The following SORCS3 variants were observed in gnomAD, a reference collection of about 807,000 sequenced individuals.
SORCS3 encodes the protein VPS10 domain-containing receptor SorCS3.
A neutral mutation model predicts 146.3 loss-of-function variants in SORCS3; 57 were observed. That is an observed-to-expected ratio of 0.39 (90% confidence interval 0.31 to 0.49). The LOEUF (loss-of-function observed/expected upper bound fraction) is 0.49. Ranked by LOEUF, SORCS3 falls within the 20% of genes least tolerant of loss-of-function variation. The pLI is 0.92. For missense variants in SORCS3, 1,341 were observed against 1,575.5 expected, an observed-to-expected ratio of 0.85 and a Z score of 2.52; for synonymous variants, 653 against 618.5, an observed-to-expected ratio of 1.06 and a Z score of -0.83.
At chr10:105,256,704 G>C (rs533106835) in intron 24 of SORCS3, 115 bp from the exon 25 acceptor site, 15 of 733,160 alleles carry the variant, frequency 2.0e-5, no homozygotes, top group Admixed American at 4.8e-5. Context: ...GGGAATTGGA[G>C]ACTAGACATA....
intron 1 of SORCS3, among the ~76,000 whole-genome samples, chr10:104,648,544 C>T (rs2015522661): frequency 6.6e-6 from 1 of 152,110 alleles, no homozygotes; most frequent in Admixed American, 6.5e-5. Context: ...CTATAGTCAA[C>T]CTGCCCACCC....
At chr10:105,163,445 T>G (rs1229450095) in intron 11 of SORCS3, among the ~76,000 whole-genome samples, 1 of 152,208 alleles carries the variant, frequency 6.6e-6, no homozygotes, top group East Asian at 1.9e-4. Flanking sequence ...TGGAACATGA[T>G]CCAATCATTT....
intron 3 of SORCS3, among the ~76,000 whole-genome samples, chr10:104,972,430 G>A (rs1016224362): frequency 6.6e-6 from 1 of 152,146 alleles, no homozygotes; most frequent in African/African-American, 2.4e-5. Flanking sequence ...GACCTTTGGG[G>A]CTATATGTTT....
chr10:104,660,468 G>A (rs2015686975), intron 1 of SORCS3, among the ~76,000 whole-genome samples: 1 of 152,152 alleles, frequency 6.6e-6, no homozygotes, highest in Non-Finnish European at 1.5e-5. Context: ...CTCAGGTATG[G>A]GGGCTGGGTC....
At chr10:105,216,123 G>A (rs1210782103) in intron 18 of SORCS3, among the ~76,000 whole-genome samples, 2 of 152,126 alleles carry the variant, frequency 1.3e-5, no homozygotes, top group African/African-American at 4.8e-5. Flanking sequence ...CTTTCCAAGA[G>A]ACAGAGATAT....
intron 1 of SORCS3, among the ~76,000 whole-genome samples, chr10:104,805,794 C>G (rs2017673635): frequency 6.6e-6 from 1 of 152,116 alleles, no homozygotes. Context: ...GTTTGTGGTT[C>G]CAGGTTTCCT....
intron 2 of SORCS3, among the ~76,000 whole-genome samples, chr10:104,912,313 A>C (rs1167483079): frequency 6.6e-6 from 1 of 152,228 alleles, no homozygotes; most frequent in Non-Finnish European, 1.5e-5. Context: ...AGAATTAAGA[A>C]GTAATTAACT....
rs372021081 is a variant in SORCS3 at position 104,641,651 on chromosome 10, A to G, written c.324A>G (p.Thr108=). 31 of 1,527,746 alleles carry G rather than the reference A, an allele frequency of 2.0e-5. No homozygotes were observed. The East Asian group carries it at 2.2e-4, about 11-fold the overall frequency. 94.6% of individuals were successfully genotyped at this position (1,527,746 alleles called of 1,614,324 possible). Residue 108 remains threonine (T), a synonymous_variant, in exon 1 of 27, where the codon ACA becomes ACG. Transcript: ENST00000369701. The surrounding 1 kb of genome is among the most constrained non-coding windows in gnomAD (Gnocchi z 6.4). The part of the protein sequence containing the change: ...GGEMQVEAGG[T]SPAGERRGRG... The stretch of plus-strand genomic sequence containing the variant: ...AGATGCAGGTGGAAGCCGGAGGGAC[A>G]TCACCGGCAGGCGAGCGGCGGGGCC...
At chr10:105,254,900 G>T (rs1290026482) in intron 23 of SORCS3, among the ~76,000 whole-genome samples, 1 of 152,104 alleles carries the variant, frequency 6.6e-6, no homozygotes, top group Admixed American at 6.5e-5. Flanking sequence ...CATAGAAGTG[G>T]ATCTGCGGCC....
chr10:104,816,524 C>A (rs936342640), intron 1 of SORCS3, among the ~76,000 whole-genome samples: 3 of 152,216 alleles, frequency 2.0e-5, no homozygotes, highest in African/African-American at 7.2e-5. Context: ...CTTTGTCCTG[C>A]AGCATATTTT....
intron 1 of SORCS3, among the ~76,000 whole-genome samples, chr10:104,741,302 T>A (rs2016839663): frequency 6.6e-6 from 1 of 151,966 alleles, no homozygotes; most frequent in Non-Finnish European, 1.5e-5. Flanking sequence ...CAGAAGGCAA[T>A]GCTGACATTT....
intron 1 of SORCS3, among the ~76,000 whole-genome samples, chr10:104,775,980 C>T (rs1403352621): frequency 1.3e-5 from 2 of 152,168 alleles, no homozygotes; most frequent in Non-Finnish European, 2.9e-5. Flanking sequence ...AGAAATTGAA[C>T]ACTTGTTGGT....
chr10:104,877,995 G>C (rs1223175731), intron 2 of SORCS3, among the ~76,000 whole-genome samples: 1 of 152,254 alleles, frequency 6.6e-6, no homozygotes, highest in South Asian at 2.1e-4. Flanking sequence ...AGATGTGCCT[G>C]TACTGAATAT....
rs937076382 is a variant in SORCS3 at position 105,025,528 on chromosome 10, T to C, written c.955-17527T>C. Among the ~76,000 whole-genome samples the C allele has an allele frequency of 5.3e-5, 8 of 152,158 alleles. No homozygotes were observed. In the East Asian group the frequency reaches 1.5e-3, roughly 29 times the overall value. ...TGTTTGAGGCCAGCAAAATTATACT[T>C]TCTCGTGTCTTTCTTCAGATAAATT... On this transcript the variant is annotated intron_variant, in intron 4 of 26. Coordinates refer to ENST00000369701, the MANE Select transcript of SORCS3 (RefSeq NM_014978.3).
chr10:104,682,249 A>C (rs540238540), intron 1 of SORCS3, among the ~76,000 whole-genome samples: 1 of 152,262 alleles, frequency 6.6e-6, no homozygotes, highest in Non-Finnish European at 1.5e-5. Context: ...GTTCATGAGC[A>C]TCTCACCTGG....
chr10:104,692,780 T>C (rs1233806006), intron 1 of SORCS3, among the ~76,000 whole-genome samples: 1 of 152,170 alleles, frequency 6.6e-6, no homozygotes, highest in African/African-American at 2.4e-5. Flanking sequence ...GTCTAGGCTA[T>C]AAAGAAAAAG....
Position 104,706,982 on chromosome 10 carries a change from A to G in SORCS3, c.627+65028A>G, listed in dbSNP as rs184854180. ...AGAGAGACAGAGACTAAAGTTTTTC[A>G]TATGTGTGTGGTATTGGAGTGGGGG... On this transcript the variant is annotated intron_variant, in intron 1 of 26. Coordinates refer to ENST00000369701, the MANE Select transcript of SORCS3 (RefSeq NM_014978.3). Among the ~76,000 whole-genome samples the G allele has an allele frequency of 4.6e-5, 7 of 152,240 alleles. No homozygotes were observed. The East Asian group carries it at 1.2e-3, about 25-fold the overall frequency.
intron 19 of SORCS3, among the ~76,000 whole-genome samples, chr10:105,218,552 C>T (rs1002515658): frequency 6.6e-6 from 1 of 152,194 alleles, no homozygotes; most frequent in Non-Finnish European, 1.5e-5. Flanking sequence ...TCAACTACAA[C>T]CATTCTGTGT....
intron 5 of SORCS3, among the ~76,000 whole-genome samples, chr10:105,045,102 A>T (rs995610601): frequency 6.6e-6 from 1 of 151,896 alleles, no homozygotes; most frequent in African/African-American, 2.4e-5. Context: ...AACTCTTGAG[A>T]TGATAAGGCA....
Sources: gnomAD v4.1 joint callset for allele counts (sites outside exome capture counted in the v4.1 genomes callset) on GRCh38, gnomAD v4.1.1 for gene constraint, Gnocchi (gnomAD v3.1) non-coding constraint, MANE v1.5 for transcripts, NCBI Gene and HGNC (gene_info 2026-07-23, HGNC 2026-07-21) for gene names.